The following HS6ST3 variants were observed in gnomAD, a reference collection of about 807,000 sequenced individuals.
HS6ST3 encodes heparan-sulfate 6-O-sulfotransferase 3.
Under a neutral mutation model 36.7 loss-of-function variants are expected in HS6ST3, and 12 were observed. That is an observed-to-expected ratio of 0.33 (90% CI 0.21 to 0.53). The LOEUF is 0.53. Ranked by LOEUF, HS6ST3 falls within the 20% of genes least tolerant of loss-of-function variation. HS6ST3 has a pLI of 0.95. For synonymous variants in HS6ST3, 240 were observed against 257.5 expected, an observed-to-expected ratio of 0.93 and a Z score of 0.65; for missense variants, 584 against 640.9, an observed-to-expected ratio of 0.91 and a Z score of 0.96.
At chr13:96,412,306 C>T (rs1272929602) in intron 1 of HS6ST3, among the ~76,000 whole-genome samples, 1 of 152,014 alleles carries the variant, frequency 6.6e-6, no homozygotes, top group East Asian at 1.9e-4. Context: ...CCTGGCCGTG[C>T]CTGATATTTC....
chr13:96,787,374 G>A (rs2138517903), intron 1 of HS6ST3, among the ~76,000 whole-genome samples: 1 of 152,134 alleles, frequency 6.6e-6, no homozygotes, highest in South Asian at 2.1e-4. Flanking sequence ...GAAAATTACA[G>A]TTGTTTCCCA....
At chr13:96,595,868 G>C (rs2056399672) in intron 1 of HS6ST3, among the ~76,000 whole-genome samples, 1 of 140,760 alleles carries the variant, frequency 7.1e-6, no homozygotes, top group Admixed American at 7.0e-5. Context: ...GGATTTGTTT[G>C]ATTTAAAAAA....
intron 1 of HS6ST3, among the ~76,000 whole-genome samples, chr13:96,589,516 C>T (rs937058674): frequency 1.3e-5 from 2 of 151,660 alleles, no homozygotes; most frequent in Non-Finnish European, 2.9e-5. Context: ...TATTGTTTTT[C>T]TTGACTCTGT....
At chr13:96,321,598 T>C (rs1262458549) in intron 1 of HS6ST3, among the ~76,000 whole-genome samples, 2 of 152,174 alleles carry the variant, frequency 1.3e-5, no homozygotes, top group African/African-American at 4.8e-5. Flanking sequence ...GGCTACCTCC[T>C]TTTCACTGTC....
chr13:96,589,816 TC>T (rs1296300931), intron 1 of HS6ST3, among the ~76,000 whole-genome samples: 1 of 152,098 alleles, frequency 6.6e-6, no homozygotes, highest in African/African-American at 2.4e-5. Flanking sequence ...CCATTAACTA[TC>T]CCCACTTTCC....
In HS6ST3 at chr13:96,546,007, A is replaced by C. The variant is rs370723659; in HGVS notation, c.708-286483A>C. Among the ~76,000 whole-genome samples the C allele has an allele frequency of 5.3e-5, 8 of 152,200 alleles. No individual in the cohort carries two copies. The East Asian group carries it at 1.5e-3, about 29-fold the overall frequency. On this transcript the variant is annotated intron_variant, in intron 1 of 1. Transcript: ENST00000376705. ...CTCAAGAAATATTTGTTGAATTTGC[A>C]GTAAATCATAAATGGAAGGGTGAAG...
chr13:96,275,606 A>G (rs1269975456), intron 1 of HS6ST3, among the ~76,000 whole-genome samples: 1 of 152,196 alleles, frequency 6.6e-6, no homozygotes, highest in Non-Finnish European at 1.5e-5. Context: ...TACCTACATG[A>G]TATTAAGAAT....
chr13:96,191,597 T>C (rs921182930), intron 1 of HS6ST3, among the ~76,000 whole-genome samples: 8 of 152,210 alleles, frequency 5.3e-5, no homozygotes, highest in African/African-American at 1.4e-4. Flanking sequence ...CTGCCTCTCG[T>C]GTTGTTCCTT....
intron 1 of HS6ST3, among the ~76,000 whole-genome samples, chr13:96,576,830 G>A (rs1256674522): frequency 6.6e-6 from 1 of 150,964 alleles, no homozygotes; most frequent in East Asian, 2.0e-4. Context: ...TGTAATCCCA[G>A]CTACTCGGGA....
intron 1 of HS6ST3, among the ~76,000 whole-genome samples, chr13:96,126,388 C>T (rs2139309088): frequency 6.6e-6 from 1 of 152,368 alleles, no homozygotes; most frequent in Non-Finnish European, 1.5e-5. Context: ...TCGTTGAACC[C>T]TTGTCACAGG....
rs117157888 is a variant in HS6ST3, at chr13:96,190,754, G to A, written c.707+99185G>A. 2.1e-3 allele frequency among the ~76,000 whole-genome samples: 321 copies of A among 152,316 alleles called. 2 individuals are homozygous for A. The highest frequency in any genetic ancestry group is 3.4e-3 in the Middle Eastern group (1 of 294). On this transcript the variant is annotated intron_variant, in intron 1 of 1. Coordinates refer to ENST00000376705, the MANE Select transcript of HS6ST3 (RefSeq NM_153456.4). ...AATAAAATAACAGATAGGATAGTTA[G>A]GGCAGGCCTCGTGAGGAGAGGTGGC... is the stretch of plus-strand genomic sequence containing the variant.
intron 1 of HS6ST3, among the ~76,000 whole-genome samples, chr13:96,494,893 C>T (rs1341765837): frequency 6.6e-6 from 1 of 152,174 alleles, no homozygotes; most frequent in African/African-American, 2.4e-5. Context: ...CTCCTTGATA[C>T]ATGCTTAAGG....
At chr13:96,140,242 A>G (rs1358147052) in intron 1 of HS6ST3, among the ~76,000 whole-genome samples, 1 of 152,192 alleles carries the variant, frequency 6.6e-6, no homozygotes, top group Non-Finnish European at 1.5e-5. Context: ...TTAAATCATA[A>G]CTGCATGAAA....
chr13:96,128,854 C>CT (rs1248071699), intron 1 of HS6ST3, among the ~76,000 whole-genome samples: 178 of 140,924 alleles, frequency 1.3e-3, no homozygotes, highest in African/African-American at 3.3e-3. Context: ...TTCCCCTGTG[C>CT]TTTTTTTTTT....
intron 1 of HS6ST3, among the ~76,000 whole-genome samples, chr13:96,156,226 A>G (rs573464715): frequency 6.6e-6 from 1 of 152,340 alleles, no homozygotes; most frequent in South Asian, 2.1e-4. Flanking sequence ...ACAGAGAGGC[A>G]GACTCACTCA....
rs570682918 is a variant in HS6ST3 at position 96,236,004 on chromosome 13, G to A, written c.707+144435G>A. ...ACGGAAGCCAACAGTGCAGCCTTCAGCCTGTGGCCAAAGGCCAGAGAGTCC... is the reference window on the plus strand; with the variant it reads ...ACGGAAGCCAACAGTGCAGCCTTCAACCTGTGGCCAAAGGCCAGAGAGTCC... On this transcript the variant is annotated intron_variant, in intron 1 of 1. Transcript: ENST00000376705. Among the ~76,000 whole-genome samples, 6 of 152,300 alleles carry A rather than the reference G, an allele frequency of 3.9e-5. No homozygotes were observed. In the East Asian group the frequency reaches 9.7e-4, roughly 25 times the overall value.
At chr13:96,152,823 T>C (rs191532651) in intron 1 of HS6ST3, among the ~76,000 whole-genome samples, 1 of 152,278 alleles carries the variant, frequency 6.6e-6, no homozygotes, top group African/African-American at 2.4e-5. Flanking sequence ...ATGATTTGAC[T>C]CTCTCCTTTT....
intron 1 of HS6ST3, among the ~76,000 whole-genome samples, chr13:96,464,958 G>GTGTC (rs2055804873): frequency 1.4e-5 from 1 of 73,406 alleles, no homozygotes; most frequent in Non-Finnish European, 3.3e-5. Context: ...GTGTGTGTGT[G>GTGTC]TGTGTGTGTG....
At chr13:96,182,560 A>G (rs1315448811) in intron 1 of HS6ST3, among the ~76,000 whole-genome samples, 1 of 152,212 alleles carries the variant, frequency 6.6e-6, no homozygotes, top group African/African-American at 2.4e-5. Context: ...ATTATACTAC[A>G]TTTGATGTTG....
Sources: gnomAD v4.1 joint callset for allele counts (sites outside exome capture counted in the v4.1 genomes callset) on GRCh38, gnomAD v4.1.1 for gene constraint, MANE v1.5 for transcripts, NCBI Gene and HGNC (gene_info 2026-07-23, HGNC 2026-07-21) for gene names.